Variants in CCDC32 observed in about 807,000 individuals in gnomAD.
CCDC32 encodes the protein coiled-coil domain containing 32.
A neutral mutation model predicts 20.1 loss-of-function variants in CCDC32; 9 were observed. The ratio of observed to expected loss-of-function variants is 0.45; its 90% confidence interval spans 0.27 to 0.78. The LOEUF (loss-of-function observed/expected upper bound fraction) is 0.78. Ranked by LOEUF, CCDC32 falls within the 30% of genes least tolerant of loss-of-function variation. CCDC32 has a pLI of 0.16. For missense variants in CCDC32, 204 were observed against 215.5 expected, an observed-to-expected ratio of 0.95 and a Z score of 0.33; for synonymous variants, 63 against 79.0, an observed-to-expected ratio of 0.80 and a Z score of 1.07.
downstream of CCDC32, among the ~76,000 whole-genome samples, chr15:40,548,510 C>T (rs941119159): frequency 6.6e-5 from 10 of 152,156 alleles, no homozygotes; most frequent in Admixed American, 5.9e-4. Flanking sequence ...TGGTTTAAAC[C>T]ATGACATTTA....
intron 1 of CCDC32, among the ~76,000 whole-genome samples, 180 bp from the exon 2 acceptor site, chr15:40,563,207 A>G (rs1890775294): frequency 6.6e-6 from 1 of 152,120 alleles, no homozygotes; most frequent in Non-Finnish European, 1.5e-5. Flanking sequence ...TACTAAAAAT[A>G]CAAAAATTAG....
intron 3 of CCDC32, among the ~76,000 whole-genome samples, chr15:40,554,687 C>T (rs1005302801): frequency 1.3e-5 from 2 of 151,928 alleles, no homozygotes; most frequent in Non-Finnish European, 2.9e-5. Context: ...AGCAAATATT[C>T]CCCACAAGAG....
intron 3 of CCDC32, among the ~76,000 whole-genome samples, chr15:40,540,813 A>C (rs1162775306): frequency 6.6e-6 from 1 of 152,194 alleles, no homozygotes; most frequent in African/African-American, 2.4e-5. Flanking sequence ...CCAAGCTCAC[A>C]TATGAGTGTT....
At chr15:40,563,103 C>A in intron 1 of CCDC32, 76 bp from the exon 2 acceptor site, 1 of 1,505,112 alleles carries the variant, frequency 6.6e-7, no homozygotes, top group South Asian at 1.3e-5. Flanking sequence ...TGGCTCACGA[C>A]TGTAATCCCA....
At chr15:40,524,017 C>G (rs1894865881), downstream of CCDC32, among the ~76,000 whole-genome samples, 1 of 151,804 alleles carries the variant, frequency 6.6e-6, no homozygotes, top group South Asian at 2.1e-4. Context: ...TTCACAGTAG[C>G]CAAAAACTGG....
downstream of CCDC32, among the ~76,000 whole-genome samples, chr15:40,529,913 G>A (rs1383611116): frequency 1.3e-5 from 2 of 151,010 alleles, no homozygotes; most frequent in African/African-American, 2.4e-5. Context: ...TGCCTGCCTC[G>A]GCCTCCCAAA....
At chr15:40,551,548 C>T (rs1338422997), downstream of CCDC32, among the ~76,000 whole-genome samples, 6 of 151,948 alleles carry the variant, frequency 3.9e-5, no homozygotes, top group Non-Finnish European at 7.4e-5. Context: ...CTGTGTCACA[C>T]GTATCCTGCC....
downstream of CCDC32, among the ~76,000 whole-genome samples, chr15:40,527,968 T>C (rs192648194): frequency 1.1e-3 from 161 of 152,366 alleles, 1 homozygote; most frequent in Non-Finnish European, 1.3e-3. Context: ...CTACTACTAG[T>C]GTACAAGAAG....
chr15:40,536,576 A>T (rs922786431), downstream of CCDC32: 2 of 152,338 alleles, frequency 1.3e-5, no homozygotes, highest in African/African-American at 4.8e-5. Context: ...GCCTGGCACT[A>T]CAGGCCCTGC....
At chr15:40,524,541 A>C (rs566820047), downstream of CCDC32, among the ~76,000 whole-genome samples, 3 of 152,202 alleles carry the variant, frequency 2.0e-5, no homozygotes, top group South Asian at 6.2e-4. Flanking sequence ...GGATTTATGT[A>C]AAATTCTAGA....
At position 40,553,931 on chromosome 15, in the gene CCDC32, T is replaced by A; in HGVS notation, c.*40A>T. The A allele has an allele frequency of 3.9e-6, 2 of 518,406 alleles. No homozygotes were observed. The highest frequency in any genetic ancestry group is 2.6e-5 in the South Asian group (1 of 38,824). 32.1% of individuals were successfully genotyped at this position (518,406 alleles called of 1,614,324 possible). On this transcript the variant is annotated 3_prime_UTR_variant, in exon 4 of 4. Transcript: ENST00000416810. ...GTGTGTGTGTGTGTGTGTGTGTGTG[T>A]GTGTGTGTGTGTGTGTGTGTGTGTG...
chr15:40,542,818 C>T (rs1220693088), intron 3 of CCDC32, among the ~76,000 whole-genome samples: 2 of 151,020 alleles, frequency 1.3e-5, no homozygotes, highest in Admixed American at 6.6e-5. Context: ...CCACTGCACT[C>T]CAGCCTGGGG....
chr15:40,537,235 G>A (rs1380734484), downstream of CCDC32: 1 of 152,352 alleles, frequency 6.6e-6, no homozygotes, highest in East Asian at 1.9e-4. Flanking sequence ...GTATCCCTGG[G>A]GAGTGGTGCC....
chr15:40,541,939 A>G lies in CCDC32; in HGVS notation c.402-2584T>C, dbSNP rs570204321. On this transcript the variant is annotated intron_variant, in intron 3 of 3. Transcript: ENST00000558113. The stretch of plus-strand genomic sequence containing the variant: ...GGTAGGTGATCAGGTGTTTGTCATT[A>G]TTATCTAGGGAGGAGAAAGAAGAAC... Among the ~76,000 whole-genome samples the G allele has an allele frequency of 2.6e-5, 4 of 152,274 alleles. No homozygotes were observed. The East Asian group carries it at 7.7e-4, about 29-fold the overall frequency.
downstream of CCDC32, among the ~76,000 whole-genome samples, chr15:40,552,245 G>C (rs1889913682): frequency 6.6e-6 from 1 of 151,994 alleles, no homozygotes; most frequent in Non-Finnish European, 1.5e-5. Flanking sequence ...ACTTTGGGAG[G>C]CTGAGGCGGG....
intron 3 of CCDC32, among the ~76,000 whole-genome samples, chr15:40,540,559 G>C (rs936015840): frequency 2.0e-5 from 3 of 151,894 alleles, no homozygotes; most frequent in African/African-American, 7.3e-5. Flanking sequence ...AGTAGAAACA[G>C]GGTTTCACCA....
chr15:40,544,731 G>C (rs910250732), intron 3 of CCDC32, among the ~76,000 whole-genome samples: 1 of 109,172 alleles, frequency 9.2e-6, no homozygotes, highest in Non-Finnish European at 2.2e-5. Context: ...GTCCGGCTTG[G>C]ATTTTTTTTT....
chr15:40,552,034 A>G (rs996046825), downstream of CCDC32, among the ~76,000 whole-genome samples: 1 of 151,984 alleles, frequency 6.6e-6, no homozygotes, highest in African/African-American at 2.4e-5. Flanking sequence ...GCACATGCCT[A>G]TAGTCCCAGC....
chr15:40,528,542 C>G (rs1343880567), downstream of CCDC32: 3 of 543,974 alleles, frequency 5.5e-6, no homozygotes, highest in Admixed American at 1.0e-4. Flanking sequence ...AAGGCTTGTC[C>G]TGGTTGGGCA....
Sources: gnomAD v4.1 joint callset for allele counts (sites outside exome capture counted in the v4.1 genomes callset) on GRCh38, gnomAD v4.1.1 for gene constraint, MANE v1.5 for transcripts, NCBI Gene and HGNC (gene_info 2026-07-23, HGNC 2026-07-21) for gene names.